Variants in TTC8 observed in about 807,000 individuals in gnomAD.
The protein encoded by TTC8 is tetratricopeptide repeat domain 8.
Under a neutral mutation model 72.5 loss-of-function variants are expected in TTC8, and 47 were observed. The observed-to-expected ratio is 0.65, with a 90% CI of 0.51 to 0.83. The LOEUF is 0.83. TTC8 is among the 40% of genes least tolerant of loss of function. The probability of loss-of-function intolerance (pLI) is 0.00; values close to 1 mark genes in which losing one functional copy is unlikely to be tolerated. For missense variants in TTC8, 611 were observed against 623.2 expected (o/e 0.98, Z 0.21); for synonymous variants, 199 against 221.4 (o/e 0.90, Z 0.90).
At chr14:88,873,684 T>C (rs1464953533) in intron 13 of TTC8, among the ~76,000 whole-genome samples, 1 of 152,234 alleles carries the variant, frequency 6.6e-6, no homozygotes, top group Non-Finnish European at 1.5e-5. Context: ...AAGCATAGTA[T>C]GGAGCACATG....
At chr14:88,864,509 T>G (rs908900688) in intron 10 of TTC8, among the ~76,000 whole-genome samples, 2 of 152,222 alleles carry the variant, frequency 1.3e-5, no homozygotes, top group Admixed American at 1.3e-4. Context: ...TGGTTGCTGG[T>G]GGGAAGAATT....
Position 88,853,204 on chromosome 14 carries a change from A to G in TTC8, c.710+148A>G, listed in dbSNP as rs562271404. On this transcript the variant is annotated intron_variant, in intron 8 of 14. Transcript: ENST00000380656. ...TTGATAAAGCATTTACTTAACAATCACAGGGTAGCAATAAGAATTAATACC... is the reference window on the plus strand; with the variant it reads ...TTGATAAAGCATTTACTTAACAATCGCAGGGTAGCAATAAGAATTAATACC... 4.5e-6 allele frequency: 3 copies of G among 672,280 alleles called. No homozygotes were observed. In the South Asian group the frequency reaches 4.6e-5, roughly 10 times the overall value. The allele number at this position is 672,280 out of a possible 1,614,324, so 41.6% of individuals were successfully genotyped here. A position where few individuals can be genotyped will look rare whatever the true frequency, so the allele number is the denominator to read the frequency against.
Position 88,870,162 on chromosome 14 carries a change from A to G in TTC8, c.1013A>G (p.Tyr338Cys). The G allele has an allele frequency of 1.2e-6, 2 of 1,614,170 alleles. No individual in the cohort carries two copies. Among genetic ancestry groups the G allele is most frequent in the Non-Finnish European group, 1.7e-6 (2 of 1,179,992 alleles). The stretch of plus-strand genomic sequence containing the variant: ...GCATGCATTGGAAGCAACCACTTCT[A>G]TTCTGATCAGCCAGAAATAGCTCTC... The part of the protein sequence containing the change: ...AIACIGSNHF[Y>C]SDQPEIALRF... Residue 338 changes from tyrosine (Y) to cysteine (C), a missense_variant, in exon 11 of 15, where the codon TAT becomes TGT. Transcript: ENST00000380656.
chr14:88,864,123 A>G (rs1386251068), intron 10 of TTC8, among the ~76,000 whole-genome samples: 1 of 152,196 alleles, frequency 6.6e-6, no homozygotes, highest in Non-Finnish European at 1.5e-5. Flanking sequence ...GTGATAGTAT[A>G]TGAATTTTTT....
At chr14:88,826,850 C>G (rs1053051845) in intron 1 of TTC8, among the ~76,000 whole-genome samples, 1 of 152,182 alleles carries the variant, frequency 6.6e-6, no homozygotes, top group African/African-American at 2.4e-5. Flanking sequence ...AAGAGCTGTT[C>G]AGTGAGAACA....
chr14:88,869,968 T>C (rs191404583), intron 10 of TTC8, 91 bp from the exon 11 acceptor site: 29 of 1,327,966 alleles, frequency 2.2e-5, no homozygotes, highest in Non-Finnish European at 3.1e-5. Flanking sequence ...AATAAATACT[T>C]ATTGAATGAA....
Position 88,871,618 on chromosome 14 carries a change from C to T in TTC8, c.1119C>T (p.Ala373=), listed in dbSNP as rs1287023324. The T allele has an allele frequency of 6.8e-6, 11 of 1,613,860 alleles. No individual in the cohort carries two copies. Among genetic ancestry groups the T allele is most frequent in the Non-Finnish European group, 9.3e-6 (11 of 1,179,992 alleles). Residue 373 remains alanine, a synonymous_variant, in exon 12 of 15, where the codon GCC becomes GCT. Transcript: ENST00000380656. The surrounding 1 kb of genome is among the most constrained non-coding windows in gnomAD (Gnocchi z 4.1). ...ATCTGGGGCTGTGTTGCTTCTATGC[C>T]CAGCAGTATGATATGACTCTGACCT... ...FNNLGLCCFY[A]QQYDMTLTSF...
chr14:88,839,246 A>G (rs1023214720), intron 2 of TTC8, among the ~76,000 whole-genome samples: 29 of 152,072 alleles, frequency 1.9e-4, no homozygotes, highest in African/African-American at 6.5e-4. Flanking sequence ...TTACTATGTA[A>G]TTGATACATT....
upstream of TTC8, chr14:88,824,297 G>A (rs947476875): frequency 3.2e-5 from 6 of 184,786 alleles, no homozygotes; most frequent in South Asian, 5.3e-4. Flanking sequence ...AATGGAAGAA[G>A]TAGGACAGAC....
intron 9 of TTC8, among the ~76,000 whole-genome samples, chr14:88,858,066 A>T (rs1456028935): frequency 6.6e-6 from 1 of 151,252 alleles, no homozygotes; most frequent in Non-Finnish European, 1.5e-5. Flanking sequence ...GATTCGAGTG[A>T]TTCTCCTGTC....
intron 10 of TTC8, among the ~76,000 whole-genome samples, chr14:88,868,427 T>A (rs943783664): frequency 6.6e-6 from 1 of 152,218 alleles, no homozygotes; most frequent in African/African-American, 2.4e-5. Context: ...AGAACCTCTG[T>A]TCTAATGGAA....
rs567645991 is a variant in TTC8 at position 88,836,331 on chromosome 14, C to T, written c.144+2609C>T. On this transcript the variant is annotated intron_variant, in intron 2 of 14. Coordinates refer to ENST00000380656, the MANE Select transcript of TTC8 (RefSeq NM_144596.4). Reference sequence around the variant, plus strand: ...CAAAGTGAGATCCCATCTCTGCAAACAAACAAACAAAAAAAGCTGGGTGTG... The same window carrying T: ...CAAAGTGAGATCCCATCTCTGCAAATAAACAAACAAAAAAAGCTGGGTGTG... Among the ~76,000 whole-genome samples, 188 of 151,718 alleles carry T rather than the reference C, an allele frequency of 1.2e-3. No homozygotes were observed. The Middle Eastern group carries it at 0.014, about 11-fold the overall frequency.
chr14:88,838,511 G>T lies in TTC8; in HGVS notation c.145-941G>T, dbSNP rs1436733171. On this transcript the variant is annotated intron_variant, in intron 2 of 14. Transcript: ENST00000380656. ...AGCCTAATGCCCCCAAATTTCCCTT[G>T]CTGCTACTTCCTCTAGGCTCTAGAG... Among the ~76,000 whole-genome samples, 3 of 152,142 alleles carry T rather than the reference G, an allele frequency of 2.0e-5. No individual in the cohort carries two copies. The East Asian group carries it at 5.8e-4, about 29-fold the overall frequency.
intron 9 of TTC8, among the ~76,000 whole-genome samples, chr14:88,859,833 A>G (rs1293763655): frequency 6.9e-6 from 1 of 145,034 alleles, no homozygotes. Context: ...TTATAAACAT[A>G]TAAAAATAAT....
intron 1 of TTC8, among the ~76,000 whole-genome samples, chr14:88,832,239 T>C (rs1310203243): frequency 4.6e-5 from 7 of 152,170 alleles, no homozygotes; most frequent in Admixed American, 1.3e-4. Context: ...TGAGCAGAAA[T>C]CCTCTGAGGC....
At chr14:88,855,920 A>T (rs2094853597) in intron 8 of TTC8, among the ~76,000 whole-genome samples, 1 of 152,120 alleles carries the variant, frequency 6.6e-6, no homozygotes. Context: ...GTCTTTACCG[A>T]AACAAAATAC....
intron 6 of TTC8, among the ~76,000 whole-genome samples, chr14:88,842,963 A>T (rs1239415436): frequency 6.6e-6 from 1 of 150,882 alleles, no homozygotes; most frequent in Non-Finnish European, 1.5e-5. Context: ...TTTTTTTTTT[A>T]AAGAAAGGCC....
intron 8 of TTC8, among the ~76,000 whole-genome samples, chr14:88,855,393 T>A (rs907709086): frequency 2.0e-5 from 3 of 152,228 alleles, no homozygotes; most frequent in Non-Finnish European, 4.4e-5. Context: ...TCTTTGATAC[T>A]GGCCGGTGTT....
At chr14:88,825,873 C>A (rs1201229408) in intron 1 of TTC8, among the ~76,000 whole-genome samples, 1 of 152,172 alleles carries the variant, frequency 6.6e-6, no homozygotes, top group Non-Finnish European at 1.5e-5. Context: ...TTAGAACAGC[C>A]TACGTTAGTG....
Sources: gnomAD v4.1 joint callset for allele counts (sites outside exome capture counted in the v4.1 genomes callset) on GRCh38, gnomAD v4.1.1 for gene constraint, Gnocchi (gnomAD v3.1) non-coding constraint, MANE v1.5 for transcripts, NCBI Gene and HGNC (gene_info 2026-07-23, HGNC 2026-07-21) for gene names.